Variants in PCDHGA5 observed in about 807,000 individuals in gnomAD.
PCDHGA5 encodes protocadherin gamma subfamily A, 5.
In PCDHGA5, 36 loss-of-function variants were observed where a neutral mutation model predicts 56.7. The ratio of observed to expected loss-of-function variants is 0.64; its 90% CI spans 0.49 to 0.84. PCDHGA5 has a LOEUF of 0.84. PCDHGA5 is among the 40% of genes least tolerant of loss of function. PCDHGA5 has a pLI of 0.00. For synonymous variants in PCDHGA5, 563 were observed against 520.2 expected (o/e 1.08, Z -1.12); for missense variants, 1,305 against 1,201.5 (o/e 1.09, Z -1.27).
rs2099681350 is a variant in PCDHGA5, at chr5:141,489,024, C to T, written c.2422-5783C>T. 1 of 450,378 alleles carries T rather than the reference C, an allele frequency of 2.2e-6. No individual in the cohort carries two copies. The highest frequency in any genetic ancestry group is 3.9e-6 in the Non-Finnish European group (1 of 256,582). 27.9% of individuals were successfully genotyped at this position (450,378 alleles called of 1,614,324 possible). On this transcript the variant is annotated intron_variant, in intron 1 of 3. Coordinates refer to ENST00000518069, the MANE Select transcript of PCDHGA5 (RefSeq NM_018918.3). The surrounding 1 kb of genome is among the most constrained non-coding windows in gnomAD (Gnocchi z 4.5). ...CTGCTCTTCCAGCCCGCCTCTCCTC[C>T]TCCAGCTCCCCAGCTCCACTCAAAT... is the stretch of plus-strand genomic sequence containing the variant.
intron 1 of PCDHGA5, among the ~76,000 whole-genome samples, chr5:141,368,739 A>G (rs1261663293): frequency 6.6e-6 from 1 of 152,196 alleles, no homozygotes; most frequent in Non-Finnish European, 1.5e-5. Context: ...TATATACCAT[A>G]TACTTTTAAA....
intron 1 of PCDHGA5, among the ~76,000 whole-genome samples, chr5:141,368,964 A>G (rs531722915): frequency 3.9e-5 from 6 of 152,320 alleles, no homozygotes; most frequent in African/African-American, 1.4e-4. Flanking sequence ...TTAAGATGCT[A>G]TAATGCTTTT....
intron 1 of PCDHGA5, among the ~76,000 whole-genome samples, chr5:141,462,331 T>C (rs909948238): frequency 6.6e-6 from 1 of 152,244 alleles, no homozygotes; most frequent in African/African-American, 2.4e-5. Context: ...TCTAATTTAA[T>C]TGTATTGTGA....
intron 1 of PCDHGA5, chr5:141,478,773 T>C (rs975950601): frequency 1.3e-6 from 2 of 1,496,766 alleles, no homozygotes; most frequent in African/African-American, 2.8e-5. Context: ...GACTCATCTG[T>C]GGACCTAATT....
Position 141,493,404 on chromosome 5 carries a change from C to T in PCDHGA5, c.2422-1403C>T, listed in dbSNP as rs2099748048. Among the ~76,000 whole-genome samples, 1 of 152,148 alleles carries T rather than the reference C, an allele frequency of 6.6e-6. No individual in the cohort carries two copies. Among genetic ancestry groups the T allele is most frequent in the South Asian group, 2.1e-4 (1 of 4,826 alleles). ...CTTGAGGACAGGAGAGGGGAGTTGC[C>T]TCTGCTGGGATTTTGCTTCTGCTGG... On this transcript the variant is annotated intron_variant, in intron 1 of 3. Transcript: ENST00000518069. The surrounding 1 kb of genome is among the most constrained non-coding windows in gnomAD (Gnocchi z 4.3).
rs958652662 is a variant in PCDHGA5, at chr5:141,494,839, T to C, written c.2454T>C (p.Ser818=). 6.2e-7 allele frequency: 1 copy of C among 1,614,106 alleles called. No individual in the cohort carries two copies. Among genetic ancestry groups the C allele is most frequent in the Non-Finnish European group, 8.5e-7 (1 of 1,180,016 alleles). ...QAPPNTDWRF[S]QAQRPGTSGS... ...CGCCCAACACGGACTGGCGTTTCTC[T>C]CAGGCCCAGAGACCCGGCACCAGCG... The change falls in exon 2 of 4, where the codon TCT becomes TCC. Residue 818 remains serine (S), a synonymous_variant. Coordinates refer to ENST00000518069, the MANE Select transcript of PCDHGA5 (RefSeq NM_018918.3).
rs1561745511 is a variant in PCDHGA5 at position 141,413,844 on chromosome 5, C to T, written c.2421+47093C>T. The stretch of plus-strand genomic sequence containing the variant: ...TCCTCACCGCCTCCGACGGGGGTGA[C>T]CCTCTCCGATCTGGCACTGTCCTTG... On this transcript the variant is annotated intron_variant, in intron 1 of 3. Transcript: ENST00000518069. The T allele has an allele frequency of 5.6e-6, 9 of 1,613,254 alleles. No homozygotes were observed. The East Asian group carries it at 6.7e-5, about 12-fold the overall frequency.
intron 1 of PCDHGA5, among the ~76,000 whole-genome samples, chr5:141,448,838 T>C (rs2098609981): frequency 6.6e-6 from 1 of 151,802 alleles, no homozygotes; most frequent in Non-Finnish European, 1.5e-5. Flanking sequence ...CCAGCTACTC[T>C]GGAGGCTGAG....
chr5:141,485,858 C>A lies in PCDHGA5; in HGVS notation c.2422-8949C>A, dbSNP rs1431906047. 8.1e-6 allele frequency: 13 copies of A among 1,614,162 alleles called. No individual in the cohort carries two copies. The South Asian group carries it at 1.4e-4, about 18-fold the overall frequency. ...GCCGAGATCTGGCACCGCAGAGCTC[C>A]GGGTATCCGTGCTGGACGTAAACGA... On this transcript the variant is annotated intron_variant, in intron 1 of 3. Coordinates refer to ENST00000518069, the MANE Select transcript of PCDHGA5 (RefSeq NM_018918.3). This position sits in a 1 kb window ranked among gnomAD's most constrained non-coding sequence, Gnocchi z 5.7.
rs1245526846 is a variant in PCDHGA5, at chr5:141,512,505, C to T, written c.*1332C>T. ...GCCACTGCCCAGGTCCCCAGTGCGCCCCCTAGTGGCCATAGCCTGGTTAAA... is the reference window on the plus strand; with the variant it reads ...GCCACTGCCCAGGTCCCCAGTGCGCTCCCTAGTGGCCATAGCCTGGTTAAA... On this transcript the variant is annotated 3_prime_UTR_variant, in exon 4 of 4. Transcript: ENST00000518069. The T allele has an allele frequency of 1.3e-5, 2 of 152,888 alleles. No individual in the cohort carries two copies. The highest frequency in any genetic ancestry group is 4.8e-5 in the African/African-American group (2 of 41,466). 9.5% of individuals were successfully genotyped at this position (152,888 alleles called of 1,614,324 possible). A position where few individuals can be genotyped will look rare whatever the true frequency, so the allele number is the denominator to read the frequency against.
rs542025009 is a variant in PCDHGA5 at position 141,366,049 on chromosome 5, G to C, written c.1719G>C (p.Thr573=). 1.2e-6 allele frequency: 2 copies of C among 1,614,126 alleles called. No homozygotes were observed. The highest frequency in any genetic ancestry group is 1.7e-6 in the Non-Finnish European group (2 of 1,180,052). Residue 573 remains threonine (T), a synonymous_variant, in exon 1 of 4, where the codon ACG becomes ACC. Coordinates refer to ENST00000518069, the MANE Select transcript of PCDHGA5 (RefSeq NM_018918.3). Reference sequence around the variant, plus strand: ...CCGCCCTCCCCACAGACGGTTCCACGGGCGTGGAGCTGGCGCCTCGCTCCG... The same window carrying C: ...CCGCCCTCCCCACAGACGGTTCCACCGGCGTGGAGCTGGCGCCTCGCTCCG... ...LYPALPTDGS[T]GVELAPRSAE...
At chr5:141,379,806 A>C (rs965954468) in intron 1 of PCDHGA5, among the ~76,000 whole-genome samples, 2 of 150,310 alleles carry the variant, frequency 1.3e-5, no homozygotes, top group African/African-American at 4.9e-5. Context: ...AGGTTTTGAG[A>C]GTTCAGTATA....
At chr5:141,392,901 C>G in intron 1 of PCDHGA5, 1 of 1,613,832 alleles carries the variant, frequency 6.2e-7, no homozygotes, top group Non-Finnish European at 8.5e-7. Context: ...CGGGAGGGGA[C>G]AGATTCGCTA....
chr5:141,442,153 C>T, intron 1 of PCDHGA5: 1 of 158,698 alleles, frequency 6.3e-6, no homozygotes, highest in Non-Finnish European at 1.4e-5. Flanking sequence ...CAGACCTCAG[C>T]GATCACTCTG....
chr5:141,385,160 C>T lies in PCDHGA5; in HGVS notation c.2421+18409C>T, dbSNP rs765072883. 6.2e-6 allele frequency: 10 copies of T among 1,614,096 alleles called. No individual in the cohort carries two copies. The East Asian group carries it at 2.0e-4, about 32-fold the overall frequency. On this transcript the variant is annotated intron_variant, in intron 1 of 3. Coordinates refer to ENST00000518069, the MANE Select transcript of PCDHGA5 (RefSeq NM_018918.3). ...GTGCAGGCTTTCCTGCAGACCTATT[C>T]CCATGAGGTCTCCCTCACCGCGGAC...
At position 141,381,826 on chromosome 5, in the gene PCDHGA5, CTTTTTTTT is replaced by C. The variant is rs770630741; in HGVS notation, c.2421+15090_2421+15097del. Among the ~76,000 whole-genome samples the C allele has an allele frequency of 3.5e-4, 26 of 74,290 alleles. 1 individual carries two copies. Among genetic ancestry groups the C allele is most frequent in the Admixed American group, 9.7e-4 (5 of 5,178 alleles). 48.7% of individuals were successfully genotyped at this position (74,290 alleles called of 152,430 possible). On this transcript the variant is annotated intron_variant, in intron 1 of 3. Transcript: ENST00000518069. Reference sequence around the variant, plus strand: ...TTTCTTTCTTTCTTTCTTTCTTCTTCTTTTTTTTTTTTTTTTTTTTTTGGCAGAGTTTT... The same window carrying C: ...TTTCTTTCTTTCTTTCTTTCTTCTTCTTTTTTTTTTTTTTGGCAGAGTTTT...
chr5:141,495,892 TTGTCTC>T (rs1035324353), intron 2 of PCDHGA5, among the ~76,000 whole-genome samples: 1 of 152,198 alleles, frequency 6.6e-6, no homozygotes, highest in Admixed American at 6.5e-5. Flanking sequence ...TTGTCTCTCT[TTGTCTC>T]TGTCTCTGTA....
intron 1 of PCDHGA5, among the ~76,000 whole-genome samples, chr5:141,425,350 A>G (rs926657846): frequency 6.6e-6 from 1 of 152,194 alleles, no homozygotes; most frequent in Non-Finnish European, 1.5e-5. Context: ...TGGCTTTGAA[A>G]TGTGATATTA....
chr5:141,374,478 G>A (rs781173070), intron 1 of PCDHGA5: 6 of 1,611,820 alleles, frequency 3.7e-6, no homozygotes, highest in Non-Finnish European at 5.1e-6. Context: ...AATACACCCC[G>A]ATTCTTAAAG....
Sources: gnomAD v4.1 joint callset for allele counts (sites outside exome capture counted in the v4.1 genomes callset) on GRCh38, gnomAD v4.1.1 for gene constraint, Gnocchi (gnomAD v3.1) non-coding constraint, MANE v1.5 for transcripts, NCBI Gene and HGNC (gene_info 2026-07-23, HGNC 2026-07-21) for gene names.